Variants in FBXO47 observed in about 807,000 individuals in gnomAD.
FBXO47 encodes F-box only protein 47.
A neutral mutation model predicts 53.9 loss-of-function variants in FBXO47; 34 were observed. The ratio of observed to expected loss-of-function variants is 0.63; its 90% CI spans 0.48 to 0.84. FBXO47 has a LOEUF of 0.84. FBXO47 is among the 40% of genes least tolerant of loss of function. The pLI, the probability that FBXO47 is intolerant of heterozygous loss-of-function variation, is 0.00. For missense variants in FBXO47, 485 were observed against 541.3 expected, an observed-to-expected ratio of 0.90 and a Z score of 1.03; for synonymous variants, 165 against 181.6, an observed-to-expected ratio of 0.91 and a Z score of 0.73.
intron 6 of FBXO47, among the ~76,000 whole-genome samples, chr17:38,950,223 T>G (rs1905193987): frequency 6.6e-6 from 1 of 151,924 alleles, no homozygotes; most frequent in African/African-American, 2.4e-5. Flanking sequence ...ACTTTCTGTC[T>G]CTATGAATTT....
chr17:38,945,807 G>A (rs1904731805), intron 6 of FBXO47, among the ~76,000 whole-genome samples: 1 of 150,720 alleles, frequency 6.6e-6, no homozygotes, highest in South Asian at 2.1e-4. Context: ...GTGATGGCGG[G>A]CGCCTGTAGT....
rs1555559725 is a variant in FBXO47 at position 38,939,323 on chromosome 17, A to AATATATATATATATATATAT, written c.1084-611_1084-592dup. Among the ~76,000 whole-genome samples, 13 of 50,172 alleles carry AATATATATATATATATATAT rather than the reference A, an allele frequency of 2.6e-4. No homozygotes were observed. The East Asian group carries it at 3.3e-3, about 13-fold the overall frequency. The allele number at this position is 50,172 out of a possible 152,430, so 32.9% of individuals were successfully genotyped here. On this transcript the variant is annotated intron_variant, in intron 9 of 10. Coordinates refer to ENST00000378079, the MANE Select transcript of FBXO47 (RefSeq NM_001008777.3). ...AAAAAAAAAAAAAAAAAAAAAAAAA[A>AATATATATATATATATATAT]ATATATATATATATATATATATGTA...
chr17:38,937,614 T>C (rs1313902110), intron 10 of FBXO47, among the ~76,000 whole-genome samples: 4 of 151,918 alleles, frequency 2.6e-5, no homozygotes, highest in Non-Finnish European at 4.4e-5. Flanking sequence ...GCCTTATACG[T>C]ATATAATTTA....
chr17:38,959,510 G>A (rs1041181352), intron 3 of FBXO47, among the ~76,000 whole-genome samples: 2 of 148,228 alleles, frequency 1.3e-5, no homozygotes, highest in Non-Finnish European at 3.0e-5. Context: ...AACCCAGGAG[G>A]CAGAGGTTGC....
intron 2 of FBXO47, 123 bp from the exon 3 acceptor site, chr17:38,962,170 TGGGAAAAAA>T: frequency 1.2e-6 from 1 of 814,014 alleles, no homozygotes; most frequent in Admixed American, 3.0e-5. Context: ...ATCATCCCTT[TGGGAAAAAA>T]GGGAAAAACC....
Position 38,966,977 on chromosome 17 carries a change from G to A in FBXO47, c.-27+252C>T, listed in dbSNP as rs772582191. On this transcript the variant is annotated intron_variant, in intron 1 of 10. Coordinates refer to ENST00000378079, the MANE Select transcript of FBXO47 (RefSeq NM_001008777.3). ...AGGGTTCAATTGGATGAACCTCCCC[G>A]CCCCCCACACCTTTAAGATAAAAAC... Among the ~76,000 whole-genome samples, 5 of 151,544 alleles carry A rather than the reference G, an allele frequency of 3.3e-5. No individual in the cohort carries two copies. The South Asian group carries it at 6.3e-4, about 19-fold the overall frequency.
chr17:38,953,127 A>C (rs538973952), intron 5 of FBXO47, among the ~76,000 whole-genome samples: 25 of 90,438 alleles, frequency 2.8e-4, no homozygotes, highest in African/African-American at 9.4e-4. Flanking sequence ...AAAAAAAACC[A>C]CACACACACA....
At chr17:38,966,222 G>A (rs1293011879) in intron 1 of FBXO47, among the ~76,000 whole-genome samples, 2 of 152,002 alleles carry the variant, frequency 1.3e-5, no homozygotes, top group East Asian at 1.9e-4. Context: ...GTTTGTTTGC[G>A]ATGGAGTTTC....
intron 3 of FBXO47, among the ~76,000 whole-genome samples, chr17:38,958,066 T>A (rs1905641901): frequency 6.6e-6 from 1 of 152,120 alleles, no homozygotes. Flanking sequence ...CTTGACCTCA[T>A]GATCCGCCTG....
chr17:38,955,203 T>C (rs1184168215), intron 4 of FBXO47, among the ~76,000 whole-genome samples: 1 of 151,802 alleles, frequency 6.6e-6, no homozygotes, highest in African/African-American at 2.4e-5. Flanking sequence ...CTGGCTAACA[T>C]GGTGAAGCTC....
intron 6 of FBXO47, among the ~76,000 whole-genome samples, chr17:38,946,351 AATATATAT>A (rs1491266439): frequency 2.2e-5 from 1 of 46,268 alleles, no homozygotes; most frequent in Non-Finnish European, 3.6e-5. Flanking sequence ...TAAATATATA[AATATATAT>A]AAATATATAG....
intron 6 of FBXO47, 137 bp from the exon 7 acceptor site, chr17:38,945,273 TTATC>T: frequency 1.6e-6 from 1 of 609,784 alleles, no homozygotes; most frequent in Non-Finnish European, 2.9e-6. Context: ...AACCAAGAGA[TTATC>T]TATTCTTAAA....
chr17:38,965,518 A>G (rs1197377246), intron 1 of FBXO47, among the ~76,000 whole-genome samples: 1 of 152,002 alleles, frequency 6.6e-6, no homozygotes, highest in African/African-American at 2.4e-5. Flanking sequence ...ACCATACCAC[A>G]GCGATTGGGG....
chr17:38,946,061 CATAA>C (rs977612435), intron 6 of FBXO47, among the ~76,000 whole-genome samples: 2 of 105,364 alleles, frequency 1.9e-5, no homozygotes, highest in Non-Finnish European at 3.7e-5. Flanking sequence ...TATATAAATA[CATAA>C]ATATATATTT....
chr17:38,960,449 A>G (rs1905767422), intron 3 of FBXO47, among the ~76,000 whole-genome samples: 1 of 152,052 alleles, frequency 6.6e-6, no homozygotes, highest in African/African-American at 2.4e-5. Context: ...AGATCAATAC[A>G]TATTTGTACT....
At chr17:38,941,620 T>TTTTATATATATATATA (rs1555560016) in intron 9 of FBXO47, among the ~76,000 whole-genome samples, 18 of 115,182 alleles carry the variant, frequency 1.6e-4, no homozygotes, top group African/African-American at 4.6e-4. Flanking sequence ...AAATATAATA[T>TTTTATATATATATATA]TATATATATA....
chr17:38,960,004 C>T (rs2143961517), intron 3 of FBXO47, among the ~76,000 whole-genome samples: 1 of 151,870 alleles, frequency 6.6e-6, no homozygotes, highest in South Asian at 2.1e-4. Context: ...TGGGGATCTC[C>T]CTATGTTACC....
At chr17:38,962,498 C>G (rs201735618) in intron 2 of FBXO47, among the ~76,000 whole-genome samples, 1 of 151,662 alleles carries the variant, frequency 6.6e-6, no homozygotes, top group Non-Finnish European at 1.5e-5. Context: ...GCCAGCTACT[C>G]GGGAGGCTGA....
chr17:38,952,538 T>C (rs1905348492), intron 5 of FBXO47, among the ~76,000 whole-genome samples: 1 of 151,942 alleles, frequency 6.6e-6, no homozygotes, highest in Admixed American at 6.6e-5. Flanking sequence ...TTTTTTGAGA[T>C]TCAATCTCAC....
Sources: gnomAD v4.1 joint callset for allele counts (sites outside exome capture counted in the v4.1 genomes callset) on GRCh38, gnomAD v4.1.1 for gene constraint, MANE v1.5 for transcripts, NCBI Gene and HGNC (gene_info 2026-07-23, HGNC 2026-07-21) for gene names.